The following NEK11 variants were observed in gnomAD, a reference collection of about 807,000 sequenced individuals.
NEK11 encodes the protein NIMA related kinase 11.
A neutral mutation model predicts 80.7 loss-of-function variants in NEK11; 72 were observed. The observed-to-expected ratio is 0.89, with a 90% CI of 0.74 to 1.08. The LOEUF is 1.08. NEK11 is among the 50% of genes least tolerant of loss of function. The pLI, the probability that NEK11 is intolerant of heterozygous loss-of-function variation, is 0.00. For synonymous variants in NEK11, 251 were observed against 260.7 expected, an observed-to-expected ratio of 0.96 and a Z score of 0.36; for missense variants, 764 against 763.6, an observed-to-expected ratio of 1.00 and a Z score of -0.01.
At chr3:131,111,372 G>A (rs1400678239) in intron 5 of NEK11, among the ~76,000 whole-genome samples, 1 of 152,066 alleles carries the variant, frequency 6.6e-6, no homozygotes, top group East Asian at 1.9e-4. Flanking sequence ...ACAATTGATG[G>A]TGCTTCTTAG....
chr3:131,262,115 G>A (rs1048653485), intron 16 of NEK11, among the ~76,000 whole-genome samples: 1 of 152,008 alleles, frequency 6.6e-6, no homozygotes, highest in East Asian at 1.9e-4. Context: ...TAACCTTAAA[G>A]AAATAAAAAG....
intron 17 of NEK11, among the ~76,000 whole-genome samples, chr3:131,277,367 G>A (rs72991559): frequency 0.11 from 16,596 of 152,084 alleles, 1,483 homozygotes; most frequent in African/African-American, 0.24. Flanking sequence ...ATGTCCATTA[G>A]GCATCTCAAG....
chr3:131,037,509 C>G (rs1313009513), intron 3 of NEK11, among the ~76,000 whole-genome samples: 1 of 152,220 alleles, frequency 6.6e-6, no homozygotes, highest in Non-Finnish European at 1.5e-5. Flanking sequence ...GTCTCAAACT[C>G]TTAACCTCGT....
intron 17 of NEK11, among the ~76,000 whole-genome samples, chr3:131,323,971 G>C (rs371015478): frequency 2.1e-4 from 32 of 152,320 alleles, no homozygotes; most frequent in African/African-American, 7.7e-4. Flanking sequence ...CCTAATTACA[G>C]GCAGTTTGGG....
intron 3 of NEK11, among the ~76,000 whole-genome samples, chr3:131,070,494 G>A (rs1179779849): frequency 1.3e-5 from 2 of 152,156 alleles, no homozygotes; most frequent in Non-Finnish European, 2.9e-5. Flanking sequence ...CAAATCTGCG[G>A]TGCTATAATT....
chr3:131,059,088 G>A (rs372946023), intron 3 of NEK11, among the ~76,000 whole-genome samples: 39 of 152,258 alleles, frequency 2.6e-4, no homozygotes, highest in East Asian at 7.7e-4. Flanking sequence ...CAGGAGAACC[G>A]TTAATGAACA....
chr3:131,296,901 A>G (rs1240915309), intron 17 of NEK11, among the ~76,000 whole-genome samples: 1 of 151,432 alleles, frequency 6.6e-6, no homozygotes, highest in African/African-American at 2.4e-5. Flanking sequence ...TATGAGTGAG[A>G]ATATGCCGTG....
chr3:131,274,669 C>T lies in NEK11; in HGVS notation c.1718+1095C>T, dbSNP rs1462358812. ...TTTTTTTTTTTTTTTTTTTTTGAGA[C>T]GGAGTCTCGCTCTGTCGCCCAGGCC... On this transcript the variant is annotated intron_variant, in intron 17 of 17. Coordinates refer to ENST00000383366, the MANE Select transcript of NEK11 (RefSeq NM_024800.5). Among the ~76,000 whole-genome samples the T allele has an allele frequency of 2.7e-4, 15 of 55,032 alleles. No individual in the cohort carries two copies. The East Asian group carries it at 7.4e-3, about 27-fold the overall frequency. 36.1% of individuals were successfully genotyped at this position (55,032 alleles called of 152,430 possible). A position where few individuals can be genotyped will look rare whatever the true frequency, so the allele number is the denominator to read the frequency against.
intron 17 of NEK11, among the ~76,000 whole-genome samples, chr3:131,286,352 C>T (rs1423771887): frequency 6.6e-6 from 1 of 152,148 alleles, no homozygotes; most frequent in Non-Finnish European, 1.5e-5. Context: ...CTAGTAGCTC[C>T]TGTTTACTCT....
chr3:131,090,905 T>C (rs1229877305), intron 4 of NEK11, among the ~76,000 whole-genome samples: 4 of 152,182 alleles, frequency 2.6e-5, no homozygotes, highest in Non-Finnish European at 1.5e-5. Context: ...GCTGAGAATA[T>C]AGGCATGACA....
At chr3:131,301,141 T>C (rs1250946556) in intron 17 of NEK11, among the ~76,000 whole-genome samples, 1 of 152,192 alleles carries the variant, frequency 6.6e-6, no homozygotes, top group African/African-American at 2.4e-5. Context: ...TCCGTGGCTA[T>C]TGTGAAAGAG....
intron 7 of NEK11, among the ~76,000 whole-genome samples, chr3:131,137,419 T>C (rs2085826455): frequency 6.6e-6 from 1 of 152,088 alleles, no homozygotes; most frequent in East Asian, 1.9e-4. Context: ...TGAGGCCATC[T>C]AGTAGCTGGC....
intron 5 of NEK11, among the ~76,000 whole-genome samples, chr3:131,121,909 G>T (rs2082449102): frequency 6.6e-6 from 1 of 152,208 alleles, no homozygotes; most frequent in Non-Finnish European, 1.5e-5. Flanking sequence ...CTAGGAAAGG[G>T]AATTCCCTGA....
At chr3:131,311,666 T>C (rs1246263050) in intron 17 of NEK11, among the ~76,000 whole-genome samples, 1 of 152,202 alleles carries the variant, frequency 6.6e-6, no homozygotes, top group Non-Finnish European at 1.5e-5. Flanking sequence ...ACATGGATGA[T>C]TGTGGAAGAG....
intron 4 of NEK11, among the ~76,000 whole-genome samples, chr3:131,096,906 C>T (rs1327935171): frequency 8.8e-6 from 1 of 113,218 alleles, no homozygotes; most frequent in African/African-American, 3.5e-5. Flanking sequence ...CCACAACGGT[C>T]CCCAGAATGT....
At chr3:131,314,255 G>A (rs1046448232) in intron 17 of NEK11, among the ~76,000 whole-genome samples, 3 of 152,092 alleles carry the variant, frequency 2.0e-5, no homozygotes, top group Non-Finnish European at 4.4e-5. Flanking sequence ...AGCTGGAGGT[G>A]GAAACTCATG....
At chr3:131,040,929 C>A (rs2066382256) in intron 3 of NEK11, among the ~76,000 whole-genome samples, 1 of 152,072 alleles carries the variant, frequency 6.6e-6, no homozygotes, top group Non-Finnish European at 1.5e-5. Context: ...TTTGAGAAAC[C>A]CTTTAAAACC....
At chr3:131,204,257 C>T (rs1476506813) in intron 14 of NEK11, among the ~76,000 whole-genome samples, 1 of 151,052 alleles carries the variant, frequency 6.6e-6, no homozygotes, top group Non-Finnish European at 1.5e-5. Flanking sequence ...CCATGCCTTA[C>T]CCTATGCATT....
chr3:131,078,346 A>G (rs1458955950), intron 3 of NEK11, among the ~76,000 whole-genome samples: 1 of 152,226 alleles, frequency 6.6e-6, no homozygotes, highest in Non-Finnish European at 1.5e-5. Context: ...AAAAAGGTCA[A>G]ACGTTACCCA....
Sources: gnomAD v4.1 joint callset for allele counts (sites outside exome capture counted in the v4.1 genomes callset) on GRCh38, gnomAD v4.1.1 for gene constraint, MANE v1.5 for transcripts, NCBI Gene and HGNC (gene_info 2026-07-23, HGNC 2026-07-21) for gene names.